The following XPOT variants were observed in gnomAD, a reference collection of about 807,000 sequenced individuals.
XPOT encodes exportin for tRNA, also known as exportin-T.
XPOT carries 34 observed loss-of-function variants against 128.2 expected under a neutral mutation model. That is an observed-to-expected ratio of 0.27 (90% CI 0.20 to 0.35). The LOEUF is 0.35. Among genes scored for constraint, XPOT ranks in the 10% least tolerant of loss-of-function variants. The probability of loss-of-function intolerance (pLI) is 1.00; values close to 1 mark genes in which losing one functional copy is unlikely to be tolerated. For synonymous variants in XPOT, 348 were observed against 394.3 expected (o/e 0.88, Z 1.39); for missense variants, 838 against 1,125.3 (o/e 0.74, Z 3.65).
In XPOT at chr12:64,404,481, TGCG is replaced by T. The variant is rs770410319; in HGVS notation, c.-382_-380del. On this transcript the variant is annotated 5_prime_UTR_variant, in exon 1 of 25. Coordinates refer to ENST00000332707, the MANE Select transcript of XPOT (RefSeq NM_007235.6). Reference sequence around the variant, plus strand: ...GCGCTGACTCAGCGGCGGCGGCGGCTGCGGCGGCGGCGGCGGCGTTAGCCGGCC... The same window carrying T: ...GCGCTGACTCAGCGGCGGCGGCGGCTGCGGCGGCGGCGGCGTTAGCCGGCC... 4.5e-4 allele frequency: 70 copies of T among 157,070 alleles called. No homozygotes were observed. Among genetic ancestry groups the T allele is most frequent in the South Asian group, 1.0e-3 (6 of 5,776 alleles). The allele number at this position is 157,070 out of a possible 1,614,324, so 9.7% of individuals were successfully genotyped here.
chr12:64,422,875 C>T (rs1324413793), intron 9 of XPOT, 130 bp from the exon 10 acceptor site: 8 of 844,188 alleles, frequency 9.5e-6, no homozygotes, highest in Non-Finnish European at 1.2e-5. Flanking sequence ...TGCACTCCAG[C>T]CTGGGCAACA....
chr12:64,442,337 T>G (rs2040331840), intron 23 of XPOT, among the ~76,000 whole-genome samples: 1 of 151,834 alleles, frequency 6.6e-6, no homozygotes. Flanking sequence ...GTCACCACAT[T>G]GGCCAGGCTG....
At chr12:64,424,062 G>T (rs894765507) in intron 11 of XPOT, among the ~76,000 whole-genome samples, 3 of 152,124 alleles carry the variant, frequency 2.0e-5, no homozygotes, top group Non-Finnish European at 4.4e-5. Context: ...CAAAAACTTA[G>T]GGTTGTAAAA....
At position 64,435,628 on chromosome 12, in the gene XPOT, CT is replaced by C; in HGVS notation, c.2690del (p.Leu897TyrfsTer6). On this transcript the variant is annotated frameshift_variant and splice_region_variant, in exon 22 of 25. Transcript: ENST00000332707. LOFTEE classifies it high-confidence loss of function. ...AATTCTTAAACTTGTTTTTCACAGG[CT>C]TTATCTGAGTGTGCAGTGACACTGA... ...FDLADAQTVL[A>X]LSECAVTLKT... is the part of the protein sequence containing the mutation. 1 of 1,595,812 alleles carries C rather than the reference CT, an allele frequency of 6.3e-7. No homozygotes were observed. The highest frequency in any genetic ancestry group is 1.1e-5 in the South Asian group (1 of 88,718).
At chr12:64,410,262 T>A (rs560227431) in intron 2 of XPOT, among the ~76,000 whole-genome samples, 167 bp downstream of exon 2, 1 of 152,370 alleles carries the variant, frequency 6.6e-6, no homozygotes, top group South Asian at 2.1e-4. Flanking sequence ...GTGAGTGTTG[T>A]GATTTATTTT....
chr12:64,436,946 T>C (rs907089596), intron 22 of XPOT, among the ~76,000 whole-genome samples: 3 of 152,182 alleles, frequency 2.0e-5, no homozygotes, highest in Admixed American at 2.0e-4. Flanking sequence ...TAACCAAAAA[T>C]TCTTCCCTCC....
chr12:64,408,664 A>AT (rs11440677), intron 1 of XPOT, among the ~76,000 whole-genome samples: 28,630 of 151,140 alleles, frequency 0.19, 3,383 homozygotes, highest in Non-Finnish European at 0.26. Flanking sequence ...TCATTTGTGG[A>AT]TTTTTTTTTG....
intron 19 of XPOT, 52 bp downstream of exon 19, chr12:64,433,655 G>T: frequency 6.7e-7 from 1 of 1,494,814 alleles, no homozygotes; most frequent in South Asian, 1.4e-5. Flanking sequence ...TGTCACTGTT[G>T]TACATCTATA....
intron 4 of XPOT, among the ~76,000 whole-genome samples, chr12:64,416,962 G>A (rs190477408): frequency 2.0e-5 from 3 of 152,220 alleles, no homozygotes; most frequent in East Asian, 1.9e-4. Context: ...CCTGTAATCC[G>A]AGCACTTTGG....
At position 64,431,853 on chromosome 12, in the gene XPOT, C is replaced by T. The variant is rs368503348; in HGVS notation, c.2262+30C>T. On this transcript the variant is annotated intron_variant, in intron 18 of 24. Transcript: ENST00000332707. ...CGCAAACTTTCAGAGCTCTGAAAAT[C>T]TCTTGAAGATCAGATGTATTTATCT... 13 of 1,595,858 alleles carry T rather than the reference C, an allele frequency of 8.1e-6. No individual in the cohort carries two copies. In the African/African-American group the frequency reaches 1.6e-4, roughly 20 times the overall value.
At chr12:64,434,425 T>C in intron 19 of XPOT, 82 bp from the exon 20 acceptor site, 1 of 885,794 alleles carries the variant, frequency 1.1e-6, no homozygotes, top group Non-Finnish European at 1.8e-6. Context: ...TTTTGACTTG[T>C]TAATGTATAT....
Position 64,411,588 on chromosome 12 carries a change from C to T in XPOT, c.60+1493C>T, listed in dbSNP as rs73120327. Among the ~76,000 whole-genome samples, 633 of 152,212 alleles carry T rather than the reference C, an allele frequency of 4.2e-3. 1 individual carries two copies. The highest frequency in any genetic ancestry group is 7.7e-3 in the Non-Finnish European group (522 of 68,004). ...TCTGTCACATACGTGTTTTAAGCAT[C>T]CAGGTCCAGGCATAATTCAGTATCC... On this transcript the variant is annotated intron_variant, in intron 2 of 24. Transcript: ENST00000332707.
At chr12:64,424,939 T>C in intron 12 of XPOT, 99 bp from the exon 13 acceptor site, 1 of 1,469,020 alleles carries the variant, frequency 6.8e-7, no homozygotes, top group Non-Finnish European at 9.3e-7. Context: ...TATGACTTTT[T>C]AATAATTAAA....
chr12:64,421,565 C>T (rs1343828803), intron 9 of XPOT, 94 bp downstream of exon 9: 2 of 801,090 alleles, frequency 2.5e-6, no homozygotes, highest in African/African-American at 3.5e-5. Flanking sequence ...GAGAAAATAC[C>T]CATAATTCTA....
chr12:64,448,852 G>C lies in XPOT; in HGVS notation c.*721G>C, dbSNP rs2040386097. ...CATGCAACTTAGTTCTGTTATATGA[G>C]AGTCTTTTTCTTTAATGTACTGGAA... On this transcript the variant is annotated 3_prime_UTR_variant, in exon 25 of 25. Coordinates refer to ENST00000332707, the MANE Select transcript of XPOT (RefSeq NM_007235.6). 1 of 152,082 alleles carries C rather than the reference G, an allele frequency of 6.6e-6. No individual in the cohort carries two copies. The highest frequency in any genetic ancestry group is 1.5e-5 in the Non-Finnish European group (1 of 68,018). 9.4% of individuals were successfully genotyped at this position (152,082 alleles called of 1,614,324 possible). A position where few individuals can be genotyped will look rare whatever the true frequency, so the allele number is the denominator to read the frequency against.
chr12:64,448,369 A>C lies in XPOT; in HGVS notation c.*238A>C, dbSNP rs1307984814. On this transcript the variant is annotated 3_prime_UTR_variant, in exon 25 of 25. Coordinates refer to ENST00000332707, the MANE Select transcript of XPOT (RefSeq NM_007235.6). The stretch of plus-strand genomic sequence containing the variant: ...CTGTATAAAGATGCTCTTAAAAGAC[A>C]CAAGAGTTATCCTAGAACCTTAATT... The C allele has an allele frequency of 1.8e-5, 9 of 491,378 alleles. No homozygotes were observed. In the East Asian group the frequency reaches 2.9e-4, roughly 16 times the overall value. 30.4% of individuals were successfully genotyped at this position (491,378 alleles called of 1,614,324 possible). A position where few individuals can be genotyped will look rare whatever the true frequency, so the allele number is the denominator to read the frequency against.
chr12:64,424,370 CAAAA>C (rs947936178), intron 11 of XPOT, among the ~76,000 whole-genome samples: 1 of 151,906 alleles, frequency 6.6e-6, no homozygotes, highest in African/African-American at 2.4e-5. Flanking sequence ...TAAATAGTGA[CAAAA>C]ATAAAAGTAC....
chr12:64,450,863 T>C lies in XPOT; in HGVS notation c.*2732T>C, dbSNP rs1350944966. ...CTAATGTTAATTGCTTCCCAGTTGG[T>C]TGACCTTATAAGAAAACACTGTGTG... On this transcript the variant is annotated 3_prime_UTR_variant, in exon 25 of 25. Coordinates refer to ENST00000332707, the MANE Select transcript of XPOT (RefSeq NM_007235.6). 6.6e-6 allele frequency: 1 copy of C among 152,266 alleles called. No individual in the cohort carries two copies. The highest frequency in any genetic ancestry group is 2.4e-5 in the African/African-American group (1 of 41,472). 9.4% of individuals were successfully genotyped at this position (152,266 alleles called of 1,614,324 possible).
chr12:64,441,555 A>C (rs1274554382), intron 23 of XPOT, among the ~76,000 whole-genome samples: 1 of 152,074 alleles, frequency 6.6e-6, no homozygotes, highest in Non-Finnish European at 1.5e-5. Context: ...ATTCCATGTA[A>C]ATTCTAGTTT....
Sources: gnomAD v4.1 joint callset for allele counts (sites outside exome capture counted in the v4.1 genomes callset) on GRCh38, gnomAD v4.1.1 for gene constraint, MANE v1.5 for transcripts, NCBI Gene and HGNC (gene_info 2026-07-23, HGNC 2026-07-21) for gene names.